The following FA2H variants were observed in gnomAD, a reference collection of about 807,000 sequenced individuals.
FA2H encodes fatty acid alpha-hydroxylase.
Under a neutral mutation model 44.9 loss-of-function variants are expected in FA2H, and 22 were observed. That is an observed-to-expected ratio of 0.49 (90% CI 0.35 to 0.70). The LOEUF (loss-of-function observed/expected upper bound fraction) is 0.70, where lower values mean the gene tolerates loss of function less well. Among genes scored for constraint, FA2H ranks in the 30% least tolerant of loss-of-function variants. The pLI is 0.01. For missense variants in FA2H, 501 were observed against 504.9 expected, an observed-to-expected ratio of 0.99 and a Z score of 0.07; for synonymous variants, 243 against 213.2, an observed-to-expected ratio of 1.14 and a Z score of -1.22.
At chr16:74,740,244 A>G in intron 1 of FA2H, 129 bp from the exon 2 acceptor site, 1 of 753,016 alleles carries the variant, frequency 1.3e-6, no homozygotes, top group Non-Finnish European at 2.4e-6. Context: ...GGTGGAGATC[A>G]AGGACGCTGG....
At chr16:74,725,338 C>G (rs1961928846) in intron 4 of FA2H, among the ~76,000 whole-genome samples, 1 of 152,204 alleles carries the variant, frequency 6.6e-6, no homozygotes, top group Non-Finnish European at 1.5e-5. Context: ...AGCTCAGAGC[C>G]AGGACAGACA....
intron 2 of FA2H, among the ~76,000 whole-genome samples, chr16:74,736,923 C>T (rs1374619877): frequency 6.6e-6 from 1 of 152,130 alleles, no homozygotes; most frequent in Non-Finnish European, 1.5e-5. Context: ...TTAAGCTCTT[C>T]CTTATCAGTT....
At position 74,714,192 on chromosome 16, in the gene FA2H, A is replaced by T; in HGVS notation, c.1117T>A (p.Ter373ArgextTer48). 6.4e-7 allele frequency: 1 copy of T among 1,557,866 alleles called. No homozygotes were observed. Among genetic ancestry groups the T allele is most frequent in the Non-Finnish European group, 8.7e-7 (1 of 1,149,634 alleles). The change falls in exon 7 of 7, where the codon TGA (stop) becomes AGA (arginine). Residue 373 changes from the stop codon to arginine, a stop_lost. Transcript: ENST00000219368. ...TPEKPHLKTQ[*>R] ...CAGGACGGAGGGGGTGGGAGTTGTC[A>T]CTGCGTCTTCAGGTGGGGTTTCTCT... is the stretch of plus-strand genomic sequence containing the variant.
chr16:74,769,717 G>A (rs903166579), intron 1 of FA2H, among the ~76,000 whole-genome samples: 10 of 152,144 alleles, frequency 6.6e-5, no homozygotes, highest in Non-Finnish European at 4.4e-5. Flanking sequence ...GAAAAATGCC[G>A]GTCGCAGCTC....
intron 1 of FA2H, among the ~76,000 whole-genome samples, chr16:74,742,462 G>C (rs1567643529): frequency 6.6e-6 from 1 of 152,234 alleles, no homozygotes; most frequent in South Asian, 2.1e-4. Context: ...CTTCGGCCGA[G>C]TACATAGGAC....
chr16:74,767,975 C>T (rs535883081), intron 1 of FA2H, among the ~76,000 whole-genome samples: 20 of 152,046 alleles, frequency 1.3e-4, no homozygotes, highest in Non-Finnish European at 2.5e-4. Flanking sequence ...TGGAGGAAGG[C>T]GAAGGTCCTG....
intron 6 of FA2H, among the ~76,000 whole-genome samples, chr16:74,714,794 C>T (rs1032751296): frequency 6.6e-6 from 1 of 151,754 alleles, no homozygotes; most frequent in Admixed American, 6.6e-5. Context: ...GATGAATTAA[C>T]ATGTCAATGT....
chr16:74,737,154 G>C (rs1412815981), intron 2 of FA2H, among the ~76,000 whole-genome samples: 6 of 152,244 alleles, frequency 3.9e-5, no homozygotes, highest in African/African-American at 1.4e-4. Context: ...GGTCCCCCGG[G>C]TGGAAAGGGT....
intron 2 of FA2H, among the ~76,000 whole-genome samples, chr16:74,733,141 G>C (rs1027734896): frequency 2.2e-4 from 33 of 152,162 alleles, no homozygotes; most frequent in Admixed American, 1.3e-4. Flanking sequence ...AGCCCACCTG[G>C]GTGCCCAGGG....
chr16:74,736,856 G>A (rs1193154030), intron 2 of FA2H, among the ~76,000 whole-genome samples: 2 of 152,172 alleles, frequency 1.3e-5, no homozygotes, highest in Non-Finnish European at 1.5e-5. Context: ...CCTTGTGGAG[G>A]GGAGGGGCCG....
intron 1 of FA2H, among the ~76,000 whole-genome samples, chr16:74,744,413 C>A: frequency 6.8e-6 from 1 of 146,250 alleles, no homozygotes; most frequent in South Asian, 2.2e-4. Context: ...TGTGTGCTTT[C>A]TTTTTTCCAG....
Position 74,740,126 on chromosome 16 carries a change from A to G in FA2H, c.271-11T>C. 1.2e-6 allele frequency: 2 copies of G among 1,604,230 alleles called. No homozygotes were observed. Among genetic ancestry groups the G allele is most frequent in the Non-Finnish European group, 1.7e-6 (2 of 1,171,218 alleles). ...GTTCTCCATGGAGCCCTGGAAGGAG[A>G]AGATACAAGAGGATTATACACAGTG... On this transcript the variant is annotated splice_polypyrimidine_tract_variant and intron_variant, in intron 1 of 6. Coordinates refer to ENST00000219368, the MANE Select transcript of FA2H (RefSeq NM_024306.5).
At chr16:74,716,821 T>C (rs1276987334) in intron 5 of FA2H, 6 of 561,982 alleles carry the variant, frequency 1.1e-5, no homozygotes, top group Admixed American at 6.1e-5. Flanking sequence ...ACCTGGCAGA[T>C]TGCAAAGGAA....
At chr16:74,727,084 A>G (rs1482565866) in intron 3 of FA2H, among the ~76,000 whole-genome samples, 160 bp downstream of exon 3, 2 of 152,238 alleles carry the variant, frequency 1.3e-5, no homozygotes, top group Middle Eastern at 3.2e-3. Flanking sequence ...AACCATGCAT[A>G]GGGATGAATT....
chr16:74,730,969 C>G (rs1384153361), intron 2 of FA2H, among the ~76,000 whole-genome samples: 9 of 152,170 alleles, frequency 5.9e-5, no homozygotes, highest in Non-Finnish European at 1.2e-4. Flanking sequence ...TGGAAATACT[C>G]CTTCTCCCGA....
At chr16:74,722,046 C>A (rs1209832265) in intron 4 of FA2H, among the ~76,000 whole-genome samples, 2 of 152,198 alleles carry the variant, frequency 1.3e-5, no homozygotes, top group African/African-American at 4.8e-5. Flanking sequence ...ACGTGGAGGC[C>A]CAAAGTCCAT....
At chr16:74,717,706 C>T (rs917830859) in intron 5 of FA2H, among the ~76,000 whole-genome samples, 8 of 152,170 alleles carry the variant, frequency 5.3e-5, no homozygotes, top group South Asian at 2.1e-4. Context: ...ACAGTCTCCT[C>T]GGGTCCTCAT....
At chr16:74,760,434 G>C (rs1166715181) in intron 1 of FA2H, among the ~76,000 whole-genome samples, 1 of 152,156 alleles carries the variant, frequency 6.6e-6, no homozygotes, top group African/African-American at 2.4e-5. Flanking sequence ...GTGATGGCAG[G>C]TAAAGCTTTT....
chr16:74,739,959 C>G, intron 2 of FA2H, 64 bp downstream of exon 2: 1 of 1,255,436 alleles, frequency 8.0e-7, no homozygotes, highest in Non-Finnish European at 1.2e-6. Context: ...CTCCACACAC[C>G]CTCTTCCTCT....
Sources: allele counts gnomAD v4.1 joint callset (sites outside exome capture counted in the v4.1 genomes callset), GRCh38; gene constraint gnomAD v4.1.1; transcripts MANE v1.5; gene names NCBI Gene and HGNC (gene_info 2026-07-23, HGNC 2026-07-21).